The following STAU2 variants were observed in gnomAD, a reference collection of about 807,000 sequenced individuals.
STAU2 encodes the protein staufen double-stranded RNA binding protein 2, also known as double-stranded RNA-binding protein Staufen homolog 2.
Under a neutral mutation model 65.9 loss-of-function variants are expected in STAU2, and 20 were observed. That is an observed-to-expected ratio of 0.30 (90% CI 0.21 to 0.44). The LOEUF (loss-of-function observed/expected upper bound fraction) is 0.44, where lower values mean the gene tolerates loss of function less well. STAU2 is among the 20% of genes least tolerant of loss of function. The pLI is 1.00. For missense variants in STAU2, 558 were observed against 683.9 expected (o/e 0.82, Z 2.05); for synonymous variants, 232 against 233.9 (o/e 0.99, Z 0.07).
chr8:73,662,436 A>G (rs1816898498), intron 6 of STAU2, among the ~76,000 whole-genome samples: 1 of 152,132 alleles, frequency 6.6e-6, no homozygotes, highest in African/African-American at 2.4e-5. Context: ...TAATTTCTCA[A>G]TTGTTGCATG....
chr8:73,557,908 G>A (rs1395669069), intron 12 of STAU2, among the ~76,000 whole-genome samples: 1 of 152,124 alleles, frequency 6.6e-6, no homozygotes, highest in African/African-American at 2.4e-5. Flanking sequence ...CAGTTACAAT[G>A]CAGATACAAC....
intron 3 of STAU2, among the ~76,000 whole-genome samples, chr8:73,709,494 T>C (rs1411561392): frequency 1.3e-5 from 2 of 152,028 alleles, no homozygotes; most frequent in African/African-American, 2.4e-5. Context: ...CACATACGTT[T>C]CCTGGTTCTT....
At chr8:73,589,285 T>C (rs1229391733) in intron 11 of STAU2, among the ~76,000 whole-genome samples, 1 of 152,216 alleles carries the variant, frequency 6.6e-6, no homozygotes, top group Non-Finnish European at 1.5e-5. Flanking sequence ...ACTTAGCCTC[T>C]ACTATTTTTC....
In STAU2 at chr8:73,646,192, C is replaced by A. The variant is rs187774834; in HGVS notation, c.410+26915G>T. 7.2e-4 allele frequency among the ~76,000 whole-genome samples: 110 copies of A among 152,172 alleles called. 1 individual carries two copies. Among genetic ancestry groups the A allele is most frequent in the African/African-American group, 2.6e-3 (107 of 41,512 alleles). On this transcript the variant is annotated intron_variant, in intron 6 of 14. Transcript: ENST00000524300. ...AAAATTGAAATGTAGGTCTACATACCAGCAATAAATGCATGGAAGGTGAAA... is the reference window on the plus strand; with the variant it reads ...AAAATTGAAATGTAGGTCTACATACAAGCAATAAATGCATGGAAGGTGAAA...
chr8:73,555,025 C>A (rs1807624464), intron 12 of STAU2, among the ~76,000 whole-genome samples: 1 of 152,150 alleles, frequency 6.6e-6, no homozygotes, highest in Non-Finnish European at 1.5e-5. Context: ...CTTCAGGCAT[C>A]GCACCAACCA....
intron 13 of STAU2, among the ~76,000 whole-genome samples, chr8:73,442,639 C>T (rs889096175): frequency 2.0e-5 from 3 of 152,088 alleles, no homozygotes; most frequent in African/African-American, 7.2e-5. Flanking sequence ...CTAGAAACTG[C>T]TAGTACTGTT....
chr8:73,507,836 C>T (rs1005661848), intron 13 of STAU2, among the ~76,000 whole-genome samples: 1 of 152,224 alleles, frequency 6.6e-6, no homozygotes, highest in Non-Finnish European at 1.5e-5. Flanking sequence ...TCTACATCAG[C>T]ATTTGCTGCT....
intron 13 of STAU2, chr8:73,550,223 C>T (rs1221434542): frequency 9.1e-6 from 9 of 984,972 alleles, no homozygotes; most frequent in South Asian, 4.7e-5. Context: ...AAACATATAA[C>T]GTGTCCATAA....
intron 12 of STAU2, among the ~76,000 whole-genome samples, chr8:73,563,153 G>A (rs1808358560): frequency 6.6e-6 from 1 of 152,062 alleles, no homozygotes; most frequent in Admixed American, 6.6e-5. Context: ...AGGCAGAGAG[G>A]GACTTTCACC....
chr8:73,654,681 A>AC (rs1816196276), intron 6 of STAU2, among the ~76,000 whole-genome samples: 2 of 87,288 alleles, frequency 2.3e-5, no homozygotes, highest in Admixed American at 1.6e-4. Flanking sequence ...TAATTATCAA[A>AC]CCTTTTTTTT....
At chr8:73,718,589 AC>A (rs1337732962) in intron 3 of STAU2, among the ~76,000 whole-genome samples, 2 of 152,226 alleles carry the variant, frequency 1.3e-5, no homozygotes, top group African/African-American at 4.8e-5. Context: ...TCTGAGAATG[AC>A]CACAAAAGCA....
At chr8:73,729,740 T>G (rs551531303) in intron 3 of STAU2, among the ~76,000 whole-genome samples, 2 of 152,318 alleles carry the variant, frequency 1.3e-5, no homozygotes. Context: ...AAGTCTGTTA[T>G]ATTTTCTGTT....
chr8:73,582,922 C>T, intron 11 of STAU2, 92 bp from the exon 12 acceptor site: 1 of 1,131,802 alleles, frequency 8.8e-7, no homozygotes, highest in Non-Finnish European at 1.3e-6. Flanking sequence ...AGGCAAAGTC[C>T]TCTCACATGG....
At chr8:73,643,471 C>T (rs1421207184) in intron 6 of STAU2, among the ~76,000 whole-genome samples, 1 of 152,104 alleles carries the variant, frequency 6.6e-6, no homozygotes, top group African/African-American at 2.4e-5. Context: ...GCCCAATGTC[C>T]ATCTAAGACA....
intron 6 of STAU2, chr8:73,651,583 GC>G: frequency 2.5e-6 from 2 of 792,218 alleles, no homozygotes; most frequent in Non-Finnish European, 4.2e-6. Flanking sequence ...CCCTGCCTGG[GC>G]CCCAGACTCT....
intron 12 of STAU2, among the ~76,000 whole-genome samples, chr8:73,567,981 CAAAT>C (rs1454617994): frequency 6.6e-6 from 1 of 152,008 alleles, no homozygotes; most frequent in Non-Finnish European, 1.5e-5. Flanking sequence ...TTATAATAAA[CAAAT>C]ACTTTCTAAA....
At chr8:73,571,816 C>T (rs1045331565) in intron 12 of STAU2, among the ~76,000 whole-genome samples, 3 of 151,814 alleles carry the variant, frequency 2.0e-5, no homozygotes, top group East Asian at 1.9e-4. Flanking sequence ...AAATTGACAC[C>T]CTAACATCAC....
At chr8:73,651,328 G>T (rs1586194758) in intron 6 of STAU2, 1 of 681,374 alleles carries the variant, frequency 1.5e-6, no homozygotes. Flanking sequence ...TCCGTGGCTT[G>T]GAGGGCATCT....
intron 6 of STAU2, among the ~76,000 whole-genome samples, chr8:73,627,350 G>A (rs1227557784): frequency 6.6e-6 from 1 of 151,804 alleles, no homozygotes; most frequent in African/African-American, 2.4e-5. Context: ...GCTGACCAAA[G>A]GGATTCAGGA....
Sources: gnomAD v4.1 joint callset for allele counts (sites outside exome capture counted in the v4.1 genomes callset) on GRCh38, gnomAD v4.1.1 for gene constraint, MANE v1.5 for transcripts, NCBI Gene and HGNC (gene_info 2026-07-23, HGNC 2026-07-21) for gene names.